MGAT4C: variants seen among roughly 807,000 people sequenced by gnomAD.
MGAT4C encodes the protein MGAT4 family member C, also known as alpha-1,3-mannosyl-glycoprotein 4-beta-N-acetylglucosaminyltransferase C.
A neutral mutation model predicts 40.1 loss-of-function variants in MGAT4C; 19 were observed. The observed-to-expected ratio is 0.47, with a 90% CI of 0.33 to 0.70. MGAT4C has a LOEUF of 0.70. MGAT4C is among the 30% of genes least tolerant of loss of function. The probability of loss-of-function intolerance (pLI) is 0.02; values close to 1 mark genes in which losing one functional copy is unlikely to be tolerated. For missense variants in MGAT4C, 491 were observed against 563.2 expected (o/e 0.87, Z 1.30); for synonymous variants, 181 against 187.1 (o/e 0.97, Z 0.27).
chr12:86,710,236 C>G (rs1950532578), intron 2 of MGAT4C, among the ~76,000 whole-genome samples: 1 of 152,090 alleles, frequency 6.6e-6, no homozygotes, highest in Non-Finnish European at 1.5e-5. Flanking sequence ...CATTCACAGT[C>G]AATGCTGATA....
chr12:86,737,452 C>A (rs1357789629), intron 1 of MGAT4C, among the ~76,000 whole-genome samples: 2 of 146,026 alleles, frequency 1.4e-5, no homozygotes, highest in African/African-American at 5.1e-5. Flanking sequence ...CTTAAATAAT[C>A]TAGAAAACCT....
At chr12:86,431,612 A>C (rs1344771399) in intron 3 of MGAT4C, among the ~76,000 whole-genome samples, 1 of 152,154 alleles carries the variant, frequency 6.6e-6, no homozygotes, top group Non-Finnish European at 1.5e-5. Context: ...AGCCTCACCT[A>C]CCATAAATGT....
chr12:86,542,653 A>G (rs565650278), intron 2 of MGAT4C, among the ~76,000 whole-genome samples: 1 of 152,276 alleles, frequency 6.6e-6, no homozygotes, highest in Admixed American at 6.5e-5. Context: ...CTATATCAGT[A>G]CCTGATATGC....
intron 3 of MGAT4C, among the ~76,000 whole-genome samples, chr12:86,388,681 T>G (rs576254018): frequency 3.7e-3 from 515 of 139,954 alleles, no homozygotes; most frequent in Admixed American, 6.0e-3. Context: ...TTTTGTTTTT[T>G]TTTTTTTTTT....
At chr12:86,819,223 T>A (rs1233805287) in intron 1 of MGAT4C, among the ~76,000 whole-genome samples, 3 of 150,856 alleles carry the variant, frequency 2.0e-5, no homozygotes, top group Non-Finnish European at 4.5e-5. Flanking sequence ...CATCAACTAC[T>A]TAAAATGAGA....
rs1363905792 is a variant in MGAT4C, at chr12:86,820,128, AT to A, written c.-262+18537del. ...TGAGCATCATCTAACAAGATTTAAG[AT>A]AAAGTATAAATCATAAAAAGAAATG... On this transcript the variant is annotated intron_variant, in intron 1 of 7. Transcript: ENST00000548651. 2.6e-5 allele frequency among the ~76,000 whole-genome samples: 4 copies of A among 151,046 alleles called. No homozygotes were observed. The South Asian group carries it at 6.2e-4, about 23-fold the overall frequency.
chr12:85,958,572 T>G lies in MGAT4C; in HGVS notation c.*20717A>C, dbSNP rs1882941926. The G allele has an allele frequency of 6.6e-6, 1 of 152,128 alleles. No individual in the cohort carries two copies. The highest frequency in any genetic ancestry group is 2.1e-4 in the South Asian group (1 of 4,834). 9.4% of individuals were successfully genotyped at this position (152,128 alleles called of 1,614,324 possible). A position where few individuals can be genotyped will look rare whatever the true frequency, so the allele number is the denominator to read the frequency against. On this transcript the variant is annotated 3_prime_UTR_variant, in exon 5 of 5. Transcript: ENST00000611864. ...GAAACAATTATTGATATTTTTAAAC[T>G]AACTAGAAAGCACCAAGTTATTTGT...
rs1401758555 is a variant in MGAT4C, at chr12:85,978,059, A to G, written c.*1230T>C. 6.6e-6 allele frequency: 1 copy of G among 151,500 alleles called. No individual in the cohort carries two copies. The highest frequency in any genetic ancestry group is 6.6e-5 in the Admixed American group (1 of 15,174). 9.4% of individuals were successfully genotyped at this position (151,500 alleles called of 1,614,324 possible). The stretch of plus-strand genomic sequence containing the variant: ...CACACTCTCCAATCCCTATTAGGAA[A>G]AGTTTAGTCAAGTTTGCTTACTATT... On this transcript the variant is annotated 3_prime_UTR_variant, in exon 5 of 5. Transcript: ENST00000611864.
At chr12:86,364,044 G>C (rs1955540374) in intron 3 of MGAT4C, among the ~76,000 whole-genome samples, 1 of 151,232 alleles carries the variant, frequency 6.6e-6, no homozygotes, top group Admixed American at 6.6e-5. Context: ...TCCTCTATCT[G>C]TAAAACCAAT....
intron 2 of MGAT4C, among the ~76,000 whole-genome samples, chr12:86,622,797 G>A (rs565845578): frequency 9.2e-5 from 14 of 152,038 alleles, no homozygotes; most frequent in Admixed American, 2.0e-4. Context: ...CAACTATAAC[G>A]AGAAGAAAAA....
chr12:86,624,627 C>T (rs1456658870), intron 2 of MGAT4C, among the ~76,000 whole-genome samples: 1 of 152,006 alleles, frequency 6.6e-6, no homozygotes, highest in Non-Finnish European at 1.5e-5. Context: ...GCAAAGATAG[C>T]AACAAAATAA....
chr12:86,777,707 A>T (rs1007557880), intron 1 of MGAT4C, among the ~76,000 whole-genome samples: 1 of 152,200 alleles, frequency 6.6e-6, no homozygotes, highest in Non-Finnish European at 1.5e-5. Flanking sequence ...CCAGGAGGAC[A>T]TACAAGGATT....
At chr12:86,599,329 T>C (rs1216657117) in intron 2 of MGAT4C, among the ~76,000 whole-genome samples, 1 of 152,166 alleles carries the variant, frequency 6.6e-6, no homozygotes, top group Non-Finnish European at 1.5e-5. Context: ...ATTCCAATCA[T>C]TATTATCATT....
chr12:86,632,859 A>T (rs1392371756), intron 2 of MGAT4C, among the ~76,000 whole-genome samples: 1 of 152,110 alleles, frequency 6.6e-6, no homozygotes, highest in Non-Finnish European at 1.5e-5. Flanking sequence ...ATACATGTGT[A>T]ACAAACCTGC....
chr12:86,769,974 G>A (rs904497524), intron 1 of MGAT4C, among the ~76,000 whole-genome samples: 4 of 151,740 alleles, frequency 2.6e-5, no homozygotes, highest in Admixed American at 6.6e-5. Context: ...TAACTAACCT[G>A]CATATTGTGC....
rs571821867 is a variant in MGAT4C, at chr12:86,704,410, GA to G, written c.-229+22798del. Among the ~76,000 whole-genome samples, 593 of 148,250 alleles carry G rather than the reference GA, an allele frequency of 4.0e-3. 3 individuals carry two copies. Among genetic ancestry groups the G allele is most frequent in the African/African-American group, 0.014 (579 of 40,458 alleles). On this transcript the variant is annotated intron_variant, in intron 2 of 7. Coordinates refer to the MGAT4C transcript ENST00000548651. The stretch of plus-strand genomic sequence containing the variant: ...ATTGGAAAGAGGTCTTTTTACGATG[GA>G]AAAAAAAACATATACATGTTTACTA...
At chr12:86,399,333 A>G (rs893131202) in intron 3 of MGAT4C, among the ~76,000 whole-genome samples, 2 of 148,614 alleles carry the variant, frequency 1.3e-5, no homozygotes, top group Non-Finnish European at 3.0e-5. Flanking sequence ...CCCAGGCTGG[A>G]GTGAGTGGCG....
chr12:86,407,637 G>T (rs1172052635), intron 3 of MGAT4C, among the ~76,000 whole-genome samples: 1 of 151,930 alleles, frequency 6.6e-6, no homozygotes, highest in Non-Finnish European at 1.5e-5. Context: ...TAATCAGTTT[G>T]CTGTGTGATT....
chr12:86,426,273 C>G lies in MGAT4C; in HGVS notation c.-120+8884G>C, dbSNP rs181617040. 4.8e-4 allele frequency among the ~76,000 whole-genome samples: 73 copies of G among 152,164 alleles called. No homozygotes were observed. In the East Asian group the frequency reaches 5.8e-3, roughly 12 times the overall value. Reference sequence around the variant, plus strand: ...TTTTTAGCTCAAGAAAATGGAAAACCTTACGCTGCCATTCGTTTACCGATT... The same window carrying G: ...TTTTTAGCTCAAGAAAATGGAAAACGTTACGCTGCCATTCGTTTACCGATT... On this transcript the variant is annotated intron_variant, in intron 3 of 7. Coordinates refer to the MGAT4C transcript ENST00000548651.
Sources: gnomAD v4.1 joint callset for allele counts (sites outside exome capture counted in the v4.1 genomes callset) on GRCh38, gnomAD v4.1.1 for gene constraint, MANE v1.5 for transcripts, NCBI Gene and HGNC (gene_info 2026-07-23, HGNC 2026-07-21) for gene names.